SASS6: variants seen among roughly 807,000 people sequenced by gnomAD.
SASS6 encodes the protein spindle assembly abnormal protein 6 homolog.
In SASS6, 59 loss-of-function variants were observed where a neutral mutation model predicts 94.9. The observed-to-expected ratio is 0.62, with a 90% CI of 0.50 to 0.77. The LOEUF is 0.77. Ranked by LOEUF, SASS6 falls within the 30% of genes least tolerant of loss-of-function variation. SASS6 has a pLI of 0.00. For synonymous variants in SASS6, 264 were observed against 270.0 expected, an observed-to-expected ratio of 0.98 and a Z score of 0.22; for missense variants, 698 against 734.1, an observed-to-expected ratio of 0.95 and a Z score of 0.57.
At chr1:100,115,704 T>C (rs1220310183) in intron 7 of SASS6, among the ~76,000 whole-genome samples, 1 of 152,132 alleles carries the variant, frequency 6.6e-6, no homozygotes, top group Non-Finnish European at 1.5e-5. Flanking sequence ...GACACATGCC[T>C]GCAGTCCCAG....
At chr1:100,114,001 T>TA (rs899236089) in intron 7 of SASS6, among the ~76,000 whole-genome samples, 7 of 148,088 alleles carry the variant, frequency 4.7e-5, no homozygotes, top group East Asian at 2.0e-4. Flanking sequence ...TCTTCAAAAA[T>TA]AAAAAAAAAT....
At chr1:100,120,779 G>A (rs1008841242) in intron 5 of SASS6, among the ~76,000 whole-genome samples, 55 of 152,092 alleles carry the variant, frequency 3.6e-4, no homozygotes, top group African/African-American at 1.3e-3. Context: ...GGCCGGGCGC[G>A]GTGGCTCACG....
chr1:100,107,830 C>G lies in SASS6; in HGVS notation c.1036G>C (p.Asp346His). 1 of 1,611,008 alleles carries G rather than the reference C, an allele frequency of 6.2e-7. No homozygotes were observed. Among genetic ancestry groups the G allele is most frequent in the Non-Finnish European group, 8.5e-7 (1 of 1,177,740 alleles). ...QLVLRTKEAF[D>H]TIQEQKVVLE... ...TAGACCTTTTGTTCCTGGATTGTAT[C>G]AAATGCCTCTTTTGTTCTTAAAACA... The change falls in exon 9 of 17, where the codon GAT becomes CAT. Residue 346 changes from aspartate to histidine, a missense_variant. Transcript: ENST00000287482.
chr1:100,088,837 A>T lies in SASS6; in HGVS notation c.1675-601T>A, dbSNP rs538955477. Among the ~76,000 whole-genome samples, 241 of 132,974 alleles carry T rather than the reference A, an allele frequency of 1.8e-3. 1 individual carries two copies. Among genetic ancestry groups the T allele is most frequent in the Non-Finnish European group, 2.6e-3 (167 of 63,708 alleles). 87.2% of individuals were successfully genotyped at this position (132,974 alleles called of 152,430 possible). On this transcript the variant is annotated intron_variant, in intron 14 of 16. Transcript: ENST00000287482. ...GCAACAGAGCAAGACCCTGTCTATA[A>T]AAAAAAAAAAAAAGCCTGCCATGCT... is the stretch of plus-strand genomic sequence containing the variant.
chr1:100,132,257 CTGATG>C (rs1350694584), intron 1 of SASS6, among the ~76,000 whole-genome samples: 2 of 152,080 alleles, frequency 1.3e-5, no homozygotes, highest in African/African-American at 2.4e-5. Flanking sequence ...TTTAAAGCAA[CTGATG>C]TGAAGAGCCA....
chr1:100,127,726 C>T (rs1654717637), intron 1 of SASS6, among the ~76,000 whole-genome samples: 1 of 152,014 alleles, frequency 6.6e-6, no homozygotes, highest in Admixed American at 6.5e-5. Context: ...GTGCCTCCCA[C>T]CTGTAGTGCT....
At chr1:100,096,912 CA>C (rs1377231409) in intron 14 of SASS6, among the ~76,000 whole-genome samples, 2 of 152,068 alleles carry the variant, frequency 1.3e-5, no homozygotes, top group African/African-American at 4.8e-5. Context: ...GTCAGGAGTT[CA>C]AAACCAGCCT....
Position 100,107,622 on chromosome 1 carries a change from A to G in SASS6, c.1146+6T>C. ...AATACTAGTCTATAAAATTTTTAAA[A>G]CAAACCTTCAGAAGTTCTGCAGATA... is the stretch of plus-strand genomic sequence containing the variant. On this transcript the variant is annotated splice_donor_region_variant and intron_variant, in intron 10 of 16. Transcript: ENST00000287482. 1.3e-6 allele frequency: 2 copies of G among 1,585,628 alleles called. No individual in the cohort carries two copies. The highest frequency in any genetic ancestry group is 1.2e-5 in the South Asian group (1 of 85,870).
At chr1:100,087,275 G>A (rs893493127) in intron 15 of SASS6, among the ~76,000 whole-genome samples, 1 of 152,198 alleles carries the variant, frequency 6.6e-6, no homozygotes, top group South Asian at 2.1e-4. Context: ...GAGCCACTGT[G>A]ACCAGCCACA....
chr1:100,130,289 G>T (rs556281708), intron 1 of SASS6, among the ~76,000 whole-genome samples: 1 of 152,210 alleles, frequency 6.6e-6, no homozygotes, highest in Non-Finnish European at 1.5e-5. Context: ...GGACGGAGAG[G>T]GGGGTGCGTA....
intron 7 of SASS6, among the ~76,000 whole-genome samples, chr1:100,114,941 T>G (rs904093795): frequency 6.6e-6 from 1 of 152,186 alleles, no homozygotes; most frequent in Non-Finnish European, 1.5e-5. Flanking sequence ...CTTAGCACTC[T>G]TTGAATTAAA....
chr1:100,112,090 T>G (rs1343048387), intron 7 of SASS6, among the ~76,000 whole-genome samples: 10 of 131,630 alleles, frequency 7.6e-5, no homozygotes, highest in Admixed American at 3.4e-4. Context: ...AATTTTCCAT[T>G]CTGGAGGAAA....
chr1:100,120,435 AT>A lies in SASS6; in HGVS notation c.507del (p.Gln169HisfsTer3). On this transcript the variant is annotated frameshift_variant, in exon 6 of 17. Coordinates refer to ENST00000287482, the MANE Select transcript of SASS6 (RefSeq NM_194292.3). LOFTEE classifies it high-confidence loss of function. ...CSKEEKLSLM[Q>X]SLDDATKQLD... ...AGTTGCTTAGTAGCATCATCTAGTG[AT>A]TGCATCAATGATAATTTTTCTTCCT... is the stretch of plus-strand genomic sequence containing the variant. 1 of 1,486,674 alleles carries A rather than the reference AT, an allele frequency of 6.7e-7. No homozygotes were observed. The highest frequency in any genetic ancestry group is 9.4e-7 in the Non-Finnish European group (1 of 1,065,102). The allele number at this position is 1,486,674 out of a possible 1,614,324, so 92.1% of individuals were successfully genotyped here.
chr1:100,114,939 T>C (rs960972336), intron 7 of SASS6, among the ~76,000 whole-genome samples: 1 of 152,154 alleles, frequency 6.6e-6, no homozygotes, highest in Non-Finnish European at 1.5e-5. Flanking sequence ...GACTTAGCAC[T>C]CTTTGAATTA....
chr1:100,123,842 A>G (rs1654379341), intron 2 of SASS6, among the ~76,000 whole-genome samples: 1 of 152,220 alleles, frequency 6.6e-6, no homozygotes, highest in Non-Finnish European at 1.5e-5. Flanking sequence ...TGGAAGCCCA[A>G]CTGTTTTCAG....
chr1:100,131,982 G>GA (rs746424897), intron 1 of SASS6, among the ~76,000 whole-genome samples: 9 of 150,668 alleles, frequency 6.0e-5, no homozygotes, highest in Admixed American at 4.0e-4. Context: ...TTAGAACTGA[G>GA]AAAAAAAAAG....
chr1:100,107,890 C>T lies in SASS6; in HGVS notation c.976G>A (p.Val326Ile). 6.2e-7 allele frequency: 1 copy of T among 1,612,696 alleles called. No homozygotes were observed. The highest frequency in any genetic ancestry group is 8.5e-7 in the Non-Finnish European group (1 of 1,178,892). Reference protein sequence around the residue: ...HVNQLQTKVAVLEQEIKDKDQ... With the variant: ...HVNQLQTKVAILEQEIKDKDQ... ...TTATCCTTGATTTCCTGTTCTAAAA[C>T]TGCCACTTTTGTTTGTAGCTGATTA... The change falls in exon 9 of 17, where the codon GTT becomes ATT. Residue 326 changes from valine to isoleucine, a missense_variant. Physicochemically the swap from Val to Ile is conservative, Grantham distance 29. Coordinates refer to ENST00000287482, the MANE Select transcript of SASS6 (RefSeq NM_194292.3).
chr1:100,099,152 C>A (rs1333403262), intron 14 of SASS6: 1 of 152,218 alleles, frequency 6.6e-6, no homozygotes, highest in Non-Finnish European at 1.5e-5. Context: ...GCTATCTGTA[C>A]ACAAAATCTG....
chr1:100,118,895 T>C (rs941760585), intron 7 of SASS6, 123 bp downstream of exon 7: 1 of 525,850 alleles, frequency 1.9e-6, no homozygotes, highest in Non-Finnish European at 3.0e-6. Flanking sequence ...AGGATTTTTA[T>C]TTTTATTTTA....
Sources: gnomAD v4.1 joint callset for allele counts (sites outside exome capture counted in the v4.1 genomes callset) on GRCh38, gnomAD v4.1.1 for gene constraint, MANE v1.5 for transcripts, NCBI Gene and HGNC (gene_info 2026-07-23, HGNC 2026-07-21) for gene names.